The following KATNIP variants were observed in gnomAD, a reference collection of about 807,000 sequenced individuals.
KATNIP encodes katanin interacting protein, also known as katanin-interacting protein.
KATNIP carries 126 observed loss-of-function variants against 174.0 expected under a neutral mutation model. That is an observed-to-expected ratio of 0.72 (90% CI 0.63 to 0.84). KATNIP has a LOEUF of 0.84. Ranked by LOEUF, KATNIP falls within the 40% of genes least tolerant of loss-of-function variation. The probability of loss-of-function intolerance (pLI) is 0.00; values close to 1 mark genes in which losing one functional copy is unlikely to be tolerated. For synonymous variants in KATNIP, 810 were observed against 835.7 expected (o/e 0.97, Z 0.53); for missense variants, 1,958 against 2,109.7 (o/e 0.93, Z 1.41).
intron 14 of KATNIP, among the ~76,000 whole-genome samples, chr16:27,724,945 A>G (rs1014106577): frequency 1.3e-5 from 2 of 152,182 alleles, no homozygotes; most frequent in Admixed American, 6.5e-5. Flanking sequence ...TTATTGGGCA[A>G]TGTGCTGCCT....
Position 27,651,107 on chromosome 16 carries a change from C to A in KATNIP, c.540+2372C>A, listed in dbSNP as rs77751557. 3.4e-3 allele frequency among the ~76,000 whole-genome samples: 513 copies of A among 152,278 alleles called. 28 individuals carry two copies. In the East Asian group the frequency reaches 0.091, roughly 27 times the overall value. On this transcript the variant is annotated intron_variant, in intron 6 of 27. Transcript: ENST00000261588. ...GCCTTTGGTCAAGCATTGGGCACCT[C>A]TCGTTAAATTAACATATAGCCCTTC...
chr16:27,608,869 C>G (rs2075800916), intron 2 of KATNIP, among the ~76,000 whole-genome samples: 1 of 152,116 alleles, frequency 6.6e-6, no homozygotes, highest in Non-Finnish European at 1.5e-5. Context: ...GGCAATCTAG[C>G]CAATTCTTGA....
intron 3 of KATNIP, among the ~76,000 whole-genome samples, chr16:27,625,459 C>T (rs982272952): frequency 3.3e-5 from 5 of 152,232 alleles, no homozygotes; most frequent in Admixed American, 6.5e-5. Flanking sequence ...TGGAGACTGA[C>T]GGTGCCTACA....
intron 13 of KATNIP, among the ~76,000 whole-genome samples, chr16:27,710,048 G>A (rs572202594): frequency 6.6e-6 from 1 of 152,202 alleles, no homozygotes; most frequent in African/African-American, 2.4e-5. Flanking sequence ...CACAAACGTT[G>A]AATGTTTCTT....
At chr16:27,641,519 C>A (rs1346314411) in intron 5 of KATNIP, among the ~76,000 whole-genome samples, 9 of 152,018 alleles carry the variant, frequency 5.9e-5, no homozygotes, top group Admixed American at 5.9e-4. Flanking sequence ...GCCATGTGAA[C>A]CTCTTAGGGC....
intron 8 of KATNIP, among the ~76,000 whole-genome samples, chr16:27,684,835 GAATGCCC>G (rs1267344971): frequency 6.6e-6 from 1 of 152,150 alleles, no homozygotes; most frequent in African/African-American, 2.4e-5. Flanking sequence ...AAAGACAGAT[GAATGCCC>G]AACCTAATGA....
intron 2 of KATNIP, among the ~76,000 whole-genome samples, chr16:27,607,896 C>T (rs1252099024): frequency 6.6e-6 from 1 of 152,168 alleles, no homozygotes; most frequent in African/African-American, 2.4e-5. Flanking sequence ...CCACCACACC[C>T]GGCCACAAAC....
At chr16:27,749,278 T>C (rs530594719) in intron 15 of KATNIP, among the ~76,000 whole-genome samples, 2 of 152,220 alleles carry the variant, frequency 1.3e-5, no homozygotes, top group Non-Finnish European at 2.9e-5. Context: ...TGGGTGATCA[T>C]AGACAATTAT....
At chr16:27,606,779 T>C (rs1419861036) in intron 2 of KATNIP, among the ~76,000 whole-genome samples, 1 of 151,908 alleles carries the variant, frequency 6.6e-6, no homozygotes, top group African/African-American at 2.4e-5. Flanking sequence ...TTGCCCAGGC[T>C]GGTCTCGATC....
chr16:27,553,614 A>G lies in KATNIP; in HGVS notation c.7+3437A>G, dbSNP rs2089484379. 2.0e-5 allele frequency among the ~76,000 whole-genome samples: 3 copies of G among 152,308 alleles called. No individual in the cohort carries two copies. The South Asian group carries it at 6.2e-4, about 32-fold the overall frequency. On this transcript the variant is annotated intron_variant, in intron 1 of 27. Coordinates refer to ENST00000261588, the MANE Select transcript of KATNIP (RefSeq NM_015202.5). The stretch of plus-strand genomic sequence containing the variant: ...AGGATCTCTTCAGCCCAGAAATTCA[A>G]GACCAGCTTCGTCAACATAGTGAGA...
At chr16:27,560,958 AGCCAAGCTTCCAG>A (rs1044123018) in intron 1 of KATNIP, among the ~76,000 whole-genome samples, 16 of 152,056 alleles carry the variant, frequency 1.1e-4, no homozygotes, top group African/African-American at 2.7e-4. Flanking sequence ...AGGGCCTTGT[AGCCAAGCTTCCAG>A]GCCAAGCTTC....
At chr16:27,726,720 G>T (rs902916702) in intron 14 of KATNIP, among the ~76,000 whole-genome samples, 1 of 152,230 alleles carries the variant, frequency 6.6e-6, no homozygotes, top group Middle Eastern at 3.2e-3. Flanking sequence ...CTTGGAGCCA[G>T]GTGGCCAGAG....
At chr16:27,759,738 C>G (rs1413317452) in intron 18 of KATNIP, among the ~76,000 whole-genome samples, 2 of 152,194 alleles carry the variant, frequency 1.3e-5, no homozygotes, top group Non-Finnish European at 2.9e-5. Context: ...GCTTGCCTCA[C>G]GTGGGCTTCT....
chr16:27,618,439 C>T lies in KATNIP; in HGVS notation c.78C>T (p.Asp26=). ...SREKKEGYAK[D]MVTDFDEKHD... is the part of the protein sequence containing the mutation. Reference sequence around the variant, plus strand: ...CTTCATTTCAGGGTTACGCTAAGGACATGGTGACAGACTTTGATGAGAAAC... The same window carrying T: ...CTTCATTTCAGGGTTACGCTAAGGATATGGTGACAGACTTTGATGAGAAAC... Residue 26 remains aspartate, a synonymous_variant, in exon 3 of 28, where the codon GAC becomes GAT. Coordinates refer to ENST00000261588, the MANE Select transcript of KATNIP (RefSeq NM_015202.5). 6.2e-7 allele frequency: 1 copy of T among 1,612,942 alleles called. No individual in the cohort carries two copies. The highest frequency in any genetic ancestry group is 8.5e-7 in the Non-Finnish European group (1 of 1,178,980).
Position 27,749,833 on chromosome 16 carries a change from GAGAGAC to G in KATNIP, c.2877_2882del (p.Glu959_Thr960del). The G allele has an allele frequency of 6.2e-7, 1 of 1,614,060 alleles. No homozygotes were observed. On this transcript the variant is annotated inframe_deletion, in exon 16 of 28. Coordinates refer to ENST00000261588, the MANE Select transcript of KATNIP (RefSeq NM_015202.5). ...TCGAGAGGGCAGGATGGCTACTCTG[GAGAGAC>G]AGACGCTGGGGGTGACTTTAAAATC...
At chr16:27,698,053 C>CAG (rs1159748665) in intron 8 of KATNIP, among the ~76,000 whole-genome samples, 4 of 152,174 alleles carry the variant, frequency 2.6e-5, no homozygotes, top group African/African-American at 9.7e-5. Context: ...AAGCCATAGA[C>CAG]TGTATTTGAA....
At chr16:27,594,384 C>T (rs2075272520) in intron 2 of KATNIP, among the ~76,000 whole-genome samples, 1 of 152,062 alleles carries the variant, frequency 6.6e-6, no homozygotes, top group South Asian at 2.1e-4. Context: ...GTCCGTGACT[C>T]ACGTCTGGCC....
At position 27,740,780 on chromosome 16, in the gene KATNIP, G is replaced by A; in HGVS notation, c.2483G>A (p.Arg828Lys). ...GTCAACACCAAGGAGAGACCCCAGAGGGCAACCACCAAAGTCCACAGTGAT... is the reference window on the plus strand; with the variant it reads ...GTCAACACCAAGGAGAGACCCCAGAAGGCAACCACCAAAGTCCACAGTGAT... ...RSVNTKERPQ[R>K]ATTKVHSDDS... The change falls in exon 15 of 28, where the codon AGG becomes AAG. Residue 828 changes from arginine (R) to lysine (K), a missense_variant. Arg to Lys is a conservative substitution (Grantham distance 26). Coordinates refer to ENST00000261588, the MANE Select transcript of KATNIP (RefSeq NM_015202.5). 6.2e-7 allele frequency: 1 copy of A among 1,614,186 alleles called. No individual in the cohort carries two copies. The highest frequency in any genetic ancestry group is 1.3e-5 in the African/African-American group (1 of 75,056).
chr16:27,775,750 G>A (rs1018883910), intron 24 of KATNIP, among the ~76,000 whole-genome samples: 1 of 152,196 alleles, frequency 6.6e-6, no homozygotes, highest in South Asian at 2.1e-4. Flanking sequence ...GATGCACAGC[G>A]GGTTCTTGGC....
Sources: gnomAD v4.1 joint callset for allele counts (sites outside exome capture counted in the v4.1 genomes callset) on GRCh38, gnomAD v4.1.1 for gene constraint, MANE v1.5 for transcripts, NCBI Gene and HGNC (gene_info 2026-07-23, HGNC 2026-07-21) for gene names.